The following SLC24A2 variants were observed in gnomAD, a reference collection of about 807,000 sequenced individuals.
The protein encoded by SLC24A2 is solute carrier family 24 member 2.
Under a neutral mutation model 62.0 loss-of-function variants are expected in SLC24A2, and 36 were observed. The ratio of observed to expected loss-of-function variants is 0.58; its 90% CI spans 0.44 to 0.77. The LOEUF is 0.77. Ranked by LOEUF, SLC24A2 falls within the 30% of genes least tolerant of loss-of-function variation. The pLI, the probability that SLC24A2 is intolerant of heterozygous loss-of-function variation, is 0.00. For missense variants in SLC24A2, 846 were observed against 817.9 expected (o/e 1.03, Z -0.42); for synonymous variants, 358 against 294.0 (o/e 1.22, Z -2.23).
rs1242689925 is a variant in SLC24A2 at position 19,516,001 on chromosome 9, G to A, written c.*152C>T. On this transcript the variant is annotated 3_prime_UTR_variant, in exon 11 of 11. Coordinates refer to ENST00000341998, the MANE Select transcript of SLC24A2 (RefSeq NM_020344.4). ...GCAGCCTGTGAAGTGAATGGGCCCA[G>A]TGTGAATCCATCTCTCCTCAAATTC... 3.2e-6 allele frequency: 3 copies of A among 941,594 alleles called. No individual in the cohort carries two copies. Among genetic ancestry groups the A allele is most frequent in the Non-Finnish European group, 5.2e-6 (3 of 578,822 alleles). 58.3% of individuals were successfully genotyped at this position (941,594 alleles called of 1,614,324 possible).
the SLC24A2 span, among the ~76,000 whole-genome samples, chr9:20,049,270 A>C: frequency 0.037 from 5,659 of 152,228 alleles, 356 homozygotes; most frequent in African/African-American, 0.13. Context: ...TCCATCAATG[A>C]CTCTATGTTT....
At chr9:20,210,637 C>CTTTT in the SLC24A2 span, among the ~76,000 whole-genome samples, 1 of 80,868 alleles carries the variant, frequency 1.2e-5, no homozygotes, top group African/African-American at 5.7e-5. Context: ...CAACGCCCGG[C>CTTTT]TTTTTTTTTT....
At chr9:19,534,652 T>A (rs1027061543) in intron 8 of SLC24A2, among the ~76,000 whole-genome samples, 3 of 152,204 alleles carry the variant, frequency 2.0e-5, no homozygotes, top group Non-Finnish European at 4.4e-5. Context: ...AATGATAGTT[T>A]CCAGCTTCAT....
In SLC24A2 at chr9:19,513,872, C is replaced by T. The variant is rs1832827755; in HGVS notation, c.*2281G>A. On this transcript the variant is annotated 3_prime_UTR_variant, in exon 11 of 11. Transcript: ENST00000341998. ...AAGTTCACTTCCTCATTCTTTCACT[C>T]TCTAAGGAAGCAGGACAAATTCTTG... is the stretch of plus-strand genomic sequence containing the variant. 1 of 152,210 alleles carries T rather than the reference C, an allele frequency of 6.6e-6. No individual in the cohort carries two copies. The highest frequency in any genetic ancestry group is 1.5e-5 in the Non-Finnish European group (1 of 68,046). 9.4% of individuals were successfully genotyped at this position (152,210 alleles called of 1,614,324 possible).
At chr9:19,899,562 T>C in the SLC24A2 span, among the ~76,000 whole-genome samples, 1 of 152,186 alleles carries the variant, frequency 6.6e-6, no homozygotes, top group African/African-American at 2.4e-5. Flanking sequence ...GCAGTGATAA[T>C]AGAGATGTTT....
intron 2 of SLC24A2, among the ~76,000 whole-genome samples, chr9:19,752,360 G>A (rs906289820): frequency 2.6e-5 from 4 of 152,026 alleles, no homozygotes; most frequent in Non-Finnish European, 5.9e-5. Context: ...GATCAATTCC[G>A]ACTCGAACAC....
At chr9:19,628,165 A>G (rs1386276489) in intron 2 of SLC24A2, among the ~76,000 whole-genome samples, 5 of 152,154 alleles carry the variant, frequency 3.3e-5, no homozygotes. Context: ...GCTACTTAAA[A>G]TGCAATTAAG....
the SLC24A2 span, among the ~76,000 whole-genome samples, chr9:20,253,238 T>A: frequency 2.6e-5 from 4 of 152,196 alleles, no homozygotes; most frequent in Non-Finnish European, 2.9e-5. Context: ...TGCTATATGA[T>A]CTTAGTATCT....
At chr9:19,664,897 T>G (rs1027005047) in intron 2 of SLC24A2, among the ~76,000 whole-genome samples, 2 of 152,232 alleles carry the variant, frequency 1.3e-5, no homozygotes, top group Non-Finnish European at 2.9e-5. Flanking sequence ...AATACCTTGA[T>G]GTCAGACTTC....
the SLC24A2 span, among the ~76,000 whole-genome samples, chr9:19,973,717 A>G: frequency 6.6e-6 from 1 of 152,208 alleles, no homozygotes; most frequent in Non-Finnish European, 1.5e-5. Flanking sequence ...TATACCAGAT[A>G]CCTCCAAACC....
the SLC24A2 span, among the ~76,000 whole-genome samples, chr9:20,069,719 G>A: frequency 5.9e-5 from 9 of 152,126 alleles, no homozygotes; most frequent in Non-Finnish European, 8.8e-5. Flanking sequence ...TTATAGAAAC[G>A]GCACTATGCT....
At chr9:20,076,652 G>T in the SLC24A2 span, among the ~76,000 whole-genome samples, 1 of 152,008 alleles carries the variant, frequency 6.6e-6, no homozygotes, top group African/African-American at 2.4e-5. Flanking sequence ...TTTGTTGTGG[G>T]AGCCCTAGGA....
intron 2 of SLC24A2, among the ~76,000 whole-genome samples, chr9:19,694,958 G>C (rs1302560532): frequency 6.6e-6 from 1 of 151,980 alleles, no homozygotes; most frequent in African/African-American, 2.4e-5. Flanking sequence ...GCAAAGATGG[G>C]AGCTGGGGAG....
At chr9:20,123,398 T>G in the SLC24A2 span, among the ~76,000 whole-genome samples, 2 of 152,150 alleles carry the variant, frequency 1.3e-5, no homozygotes, top group African/African-American at 4.8e-5. Context: ...CATAACAAAA[T>G]GATGAAGGAA....
intron 2 of SLC24A2, among the ~76,000 whole-genome samples, chr9:19,775,537 G>C (rs1822820418): frequency 6.6e-6 from 1 of 152,254 alleles, no homozygotes; most frequent in African/African-American, 2.4e-5. Flanking sequence ...GCTTGGAGAG[G>C]AAGCATTGAT....
At chr9:20,152,500 CAAAG>C in the SLC24A2 span, among the ~76,000 whole-genome samples, 3 of 151,790 alleles carry the variant, frequency 2.0e-5, no homozygotes, top group Admixed American at 2.0e-4. Context: ...GAAAGAAAAG[CAAAG>C]AAATAAAGTA....
At chr9:19,635,197 C>A (rs1007396020) in intron 2 of SLC24A2, among the ~76,000 whole-genome samples, 6 of 152,168 alleles carry the variant, frequency 3.9e-5, no homozygotes, top group Non-Finnish European at 7.3e-5. Context: ...ACAGTCAGCA[C>A]CAACTTCTTG....
intron 8 of SLC24A2, among the ~76,000 whole-genome samples, chr9:19,543,893 G>A (rs1310819039): frequency 6.6e-6 from 1 of 152,166 alleles, no homozygotes; most frequent in Non-Finnish European, 1.5e-5. Flanking sequence ...GTGCTGAGAA[G>A]AATGTATATT....
the SLC24A2 span, among the ~76,000 whole-genome samples, chr9:19,963,840 A>G: frequency 6.6e-6 from 1 of 152,108 alleles, no homozygotes; most frequent in Non-Finnish European, 1.5e-5. Context: ...AACTAGAAAT[A>G]CCATTTGACC....
Sources: gnomAD v4.1 joint callset for allele counts (sites outside exome capture counted in the v4.1 genomes callset) on GRCh38, gnomAD v4.1.1 for gene constraint, MANE v1.5 for transcripts, NCBI Gene and HGNC (gene_info 2026-07-23, HGNC 2026-07-21) for gene names.